ETNK1: variants seen among roughly 807,000 people sequenced by gnomAD.
ETNK1 encodes putative protein product of Nbla10396.
Under a neutral mutation model 45.1 loss-of-function variants are expected in ETNK1, and 8 were observed. That is an observed-to-expected ratio of 0.18 (90% CI 0.10 to 0.32). ETNK1 has a LOEUF of 0.32. Ranked by LOEUF, ETNK1 falls within the 10% of genes least tolerant of loss-of-function variation. The probability of loss-of-function intolerance (pLI) is 1.00; values close to 1 mark genes in which losing one functional copy is unlikely to be tolerated. For missense variants in ETNK1, 302 were observed against 430.6 expected (o/e 0.70, Z 2.64); for synonymous variants, 152 against 151.9 (o/e 1.00, Z -0.01).
intron 1 of ETNK1, among the ~76,000 whole-genome samples, chr12:22,629,708 G>C (rs575716224): frequency 6.6e-6 from 1 of 152,150 alleles, no homozygotes; most frequent in South Asian, 2.1e-4. Flanking sequence ...TCTTAGGTAA[G>C]CTAATGTAGT....
intron 2 of ETNK1, among the ~76,000 whole-genome samples, chr12:22,657,480 T>G (rs1953956659): frequency 1.3e-5 from 2 of 152,036 alleles, no homozygotes; most frequent in South Asian, 4.1e-4. Flanking sequence ...TCATTAGGAA[T>G]ATCACTTTAT....
chr12:22,677,274 C>T (rs776841040), intron 6 of ETNK1, among the ~76,000 whole-genome samples: 15 of 152,132 alleles, frequency 9.9e-5, no homozygotes, highest in Non-Finnish European at 2.1e-4. Context: ...GGAATTTTTT[C>T]CCCATTGCTT....
intron 1 of ETNK1, among the ~76,000 whole-genome samples, chr12:22,627,150 A>ATTT (rs146943602): frequency 0.012 from 1,764 of 150,560 alleles, 26 homozygotes; most frequent in African/African-American, 0.038. Flanking sequence ...TAGTTAAATT[A>ATTT]TTTTTTTTTT....
intron 1 of ETNK1, among the ~76,000 whole-genome samples, chr12:22,629,489 TA>T (rs1953547218): frequency 6.6e-6 from 1 of 152,166 alleles, no homozygotes; most frequent in Non-Finnish European, 1.5e-5. Context: ...GGTAGTTACC[TA>T]AATAATCTAT....
intron 1 of ETNK1, among the ~76,000 whole-genome samples, chr12:22,626,810 A>G (rs1953506532): frequency 6.6e-6 from 1 of 152,246 alleles, no homozygotes. Context: ...AATATAGGAA[A>G]TAGTGAATCC....
intron 5 of ETNK1, 33 bp from the exon 6 acceptor site, chr12:22,673,467 A>G: frequency 6.6e-7 from 1 of 1,524,580 alleles, no homozygotes; most frequent in Non-Finnish European, 8.9e-7. Flanking sequence ...TTATGTTTTA[A>G]AATTTTTGAG....
chr12:22,626,334 C>T (rs1442406508), intron 1 of ETNK1: 1 of 152,388 alleles, frequency 6.6e-6, no homozygotes, highest in Non-Finnish European at 1.5e-5. Context: ...ATTTCCACTA[C>T]GTGATTTTTT....
At chr12:22,680,904 CT>C (rs369127968) in intron 6 of ETNK1, among the ~76,000 whole-genome samples, 6,494 of 112,260 alleles carry the variant, frequency 0.058, 344 homozygotes, top group Non-Finnish European at 0.11. Context: ...CCGCCCCCCC[CT>C]CCATTATATG....
rs1170784168 is a variant in ETNK1 at position 22,661,128 on chromosome 12, T to G, written c.623T>G (p.Leu208Arg). The change falls in exon 4 of 8, where the codon CTT (leucine) becomes CGT (arginine). Residue 208 changes from leucine to arginine, a missense_variant. Physicochemically the swap from Leu to Arg is moderately radical, Grantham distance 102 (BLOSUM62 -2). Transcript: ENST00000266517. ...GAGATGACTTGGATGAAGGAGATTCTTTCCAACCTGGGCTCACCTGTTGTG... is the reference window on the plus strand; with the variant it reads ...GAGATGACTTGGATGAAGGAGATTCGTTCCAACCTGGGCTCACCTGTTGTG... ...QEEMTWMKEI[L>R]SNLGSPVVLC... 6.2e-7 allele frequency: 1 copy of G among 1,612,884 alleles called. No individual in the cohort carries two copies. Among genetic ancestry groups the G allele is most frequent in the Admixed American group, 1.7e-5 (1 of 59,692 alleles).
At chr12:22,635,183 T>C (rs1340271552) in intron 1 of ETNK1, among the ~76,000 whole-genome samples, 1 of 152,160 alleles carries the variant, frequency 6.6e-6, no homozygotes, top group African/African-American at 2.4e-5. Flanking sequence ...TGTCACTCTG[T>C]GTGAAATATT....
At chr12:22,644,105 G>C (rs1304688936) in intron 2 of ETNK1, 83 bp downstream of exon 2, 7 of 1,487,940 alleles carry the variant, frequency 4.7e-6, no homozygotes, top group Middle Eastern at 3.7e-4. Flanking sequence ...AATTGTCTTT[G>C]TTTGAGCAAC....
chr12:22,689,956 T>C lies in ETNK1; in HGVS notation c.*5002T>C, dbSNP rs959387052. On this transcript the variant is annotated 3_prime_UTR_variant, in exon 8 of 8. Transcript: ENST00000266517. ...TTGGTCAAATTTCCATGATATGAAG[T>C]ATTTGAGTTTTAAAATATACTGTTA... is the stretch of plus-strand genomic sequence containing the variant. 1 of 152,448 alleles carries C rather than the reference T, an allele frequency of 6.6e-6. No homozygotes were observed. Among genetic ancestry groups the C allele is most frequent in the Non-Finnish European group, 1.5e-5 (1 of 67,902 alleles). The allele number at this position is 152,448 out of a possible 1,614,324, so 9.4% of individuals were successfully genotyped here. A position where few individuals can be genotyped will look rare whatever the true frequency, so the allele number is the denominator to read the frequency against.
At chr12:22,662,363 C>T (rs1434995301) in intron 4 of ETNK1, among the ~76,000 whole-genome samples, 3 of 146,112 alleles carry the variant, frequency 2.1e-5, no homozygotes, top group South Asian at 4.5e-4. Flanking sequence ...GCTGGGATTA[C>T]AGGTGTGAGC....
chr12:22,672,749 C>G (rs550635813), intron 5 of ETNK1, among the ~76,000 whole-genome samples: 1 of 152,274 alleles, frequency 6.6e-6, no homozygotes, highest in South Asian at 2.1e-4. Context: ...ATATAGAATT[C>G]ATGAAGGAGA....
At chr12:22,625,770 A>C (rs1439148568) in intron 1 of ETNK1, 184 bp downstream of exon 1, 9 of 888,794 alleles carry the variant, frequency 1.0e-5, no homozygotes, top group Admixed American at 6.0e-5. Flanking sequence ...TTCCCGTCGC[A>C]GTTGCTCTTT....
Position 22,684,562 on chromosome 12 carries a change from T to C in ETNK1, c.1019+6T>C, listed in dbSNP as rs1314583999. On this transcript the variant is annotated splice_donor_region_variant and intron_variant, in intron 7 of 7. Transcript: ENST00000266517. ...ATTGAGTTTGATTTCCTTGGGTAAGTTAAATTTTATTATATGATTACATTG... is the reference window on the plus strand; with the variant it reads ...ATTGAGTTTGATTTCCTTGGGTAAGCTAAATTTTATTATATGATTACATTG... The C allele has an allele frequency of 1.3e-6, 2 of 1,552,424 alleles. No homozygotes were observed. Among genetic ancestry groups the C allele is most frequent in the Non-Finnish European group, 8.9e-7 (1 of 1,126,992 alleles).
At chr12:22,658,866 G>A (rs1329407467) in intron 2 of ETNK1, 148 bp from the exon 3 acceptor site, 2 of 697,878 alleles carry the variant, frequency 2.9e-6, no homozygotes, top group South Asian at 2.2e-5. Flanking sequence ...TAGGGTTCTT[G>A]CTAAAACTGG....
intron 2 of ETNK1, among the ~76,000 whole-genome samples, chr12:22,652,358 T>C (rs1007259890): frequency 6.6e-6 from 1 of 152,220 alleles, no homozygotes; most frequent in Admixed American, 6.5e-5. Context: ...TTCAGTTCTT[T>C]CGGGTGAATG....
At chr12:22,644,166 T>C in intron 2 of ETNK1, 144 bp downstream of exon 2, 1 of 1,533,134 alleles carries the variant, frequency 6.5e-7, no homozygotes, top group Non-Finnish European at 8.8e-7. Context: ...GTTTTTGTTC[T>C]TGTTTTCCCT....
Sources: gnomAD v4.1 joint callset for allele counts (sites outside exome capture counted in the v4.1 genomes callset) on GRCh38, gnomAD v4.1.1 for gene constraint, MANE v1.5 for transcripts, NCBI Gene and HGNC (gene_info 2026-07-23, HGNC 2026-07-21) for gene names.